The following DDX10 variants were observed in gnomAD, a reference collection of about 807,000 sequenced individuals.
The protein encoded by DDX10 is probable ATP-dependent RNA helicase DDX10.
A neutral mutation model predicts 104.3 loss-of-function variants in DDX10; 74 were observed. That is an observed-to-expected ratio of 0.71 (90% CI 0.59 to 0.86). The LOEUF is 0.86. Ranked by LOEUF, DDX10 falls within the 40% of genes least tolerant of loss-of-function variation. DDX10 has a pLI of 0.00. For missense variants in DDX10, 952 were observed against 1,040.0 expected, an observed-to-expected ratio of 0.92 and a Z score of 1.16; for synonymous variants, 351 against 353.4, an observed-to-expected ratio of 0.99 and a Z score of 0.08.
At position 108,910,126 on chromosome 11, in the gene DDX10, T is replaced by C. The variant is rs544479923; in HGVS notation, c.2305-7747T>C. On this transcript the variant is annotated intron_variant, in intron 16 of 17. Transcript: ENST00000322536. Reference sequence around the variant, plus strand: ...GGCCAAGGATAAGGAAAGTGGAGATTACCACATGTAAGGTATCATAGGAAA... The same window carrying C: ...GGCCAAGGATAAGGAAAGTGGAGATCACCACATGTAAGGTATCATAGGAAA... 9.0e-4 allele frequency among the ~76,000 whole-genome samples: 135 copies of C among 150,682 alleles called. 1 individual carries two copies. Among genetic ancestry groups the C allele is most frequent in the African/African-American group, 3.2e-3 (132 of 41,140 alleles).
At chr11:108,750,425 T>C (rs1171166056) in intron 13 of DDX10, among the ~76,000 whole-genome samples, 1 of 152,168 alleles carries the variant, frequency 6.6e-6, no homozygotes, top group African/African-American at 2.4e-5. Flanking sequence ...TCTAACTAGT[T>C]ATTAGGTTAT....
chr11:108,912,710 A>G (rs543780812), intron 16 of DDX10, among the ~76,000 whole-genome samples: 83 of 152,334 alleles, frequency 5.4e-4, no homozygotes, highest in African/African-American at 1.8e-3. Flanking sequence ...TTTGCCCACA[A>G]GGATATTCCT....
intron 13 of DDX10, among the ~76,000 whole-genome samples, chr11:108,795,292 T>G (rs1397243560): frequency 2.0e-5 from 3 of 151,724 alleles, no homozygotes; most frequent in African/African-American, 7.3e-5. Context: ...TTTTTTTTTT[T>G]TTATGGGAGG....
intron 15 of DDX10, among the ~76,000 whole-genome samples, chr11:108,843,217 C>T (rs1245701448): frequency 6.6e-6 from 1 of 151,878 alleles, no homozygotes. Context: ...TATAACTGCA[C>T]CTGTGAATAG....
chr11:108,737,759 AGACTCAGT>A (rs2094320139), intron 13 of DDX10, among the ~76,000 whole-genome samples: 1 of 152,166 alleles, frequency 6.6e-6, no homozygotes, highest in South Asian at 2.1e-4. Context: ...TTTCATTGCT[AGACTCAGT>A]GAATCAATTT....
chr11:108,913,542 G>A lies in DDX10; in HGVS notation c.2305-4331G>A, dbSNP rs372972683. The stretch of plus-strand genomic sequence containing the variant: ...CAAGGAATATCCTTGTGGGCAAATT[G>A]CGAGGGAGGTATGTAGCTTTTGTAG... On this transcript the variant is annotated intron_variant, in intron 16 of 17. Transcript: ENST00000322536. 3.9e-5 allele frequency among the ~76,000 whole-genome samples: 6 copies of A among 152,234 alleles called. No individual in the cohort carries two copies. The East Asian group carries it at 1.2e-3, about 29-fold the overall frequency.
At chr11:108,866,585 C>A (rs1863010361) in intron 16 of DDX10, among the ~76,000 whole-genome samples, 1 of 152,030 alleles carries the variant, frequency 6.6e-6, no homozygotes, top group South Asian at 2.1e-4. Context: ...CAAAGATCAC[C>A]CTAAGGTTTC....
intron 13 of DDX10, among the ~76,000 whole-genome samples, chr11:108,761,378 C>T (rs1222245753): frequency 6.6e-6 from 1 of 152,018 alleles, no homozygotes; most frequent in Non-Finnish European, 1.5e-5. Context: ...TTTTGTGTGG[C>T]CTATGAGTTC....
chr11:108,795,836 A>G (rs1484512321), intron 13 of DDX10, among the ~76,000 whole-genome samples: 2 of 152,210 alleles, frequency 1.3e-5, no homozygotes, highest in African/African-American at 2.4e-5. Flanking sequence ...AGCATGATTT[A>G]TAATCCTTTG....
intron 16 of DDX10, among the ~76,000 whole-genome samples, chr11:108,910,781 G>GTC (rs1430576243): frequency 1.5e-4 from 20 of 130,708 alleles, no homozygotes; most frequent in East Asian, 4.6e-4. Context: ...GTGTGTGTGT[G>GTC]TGTGTGTGTC....
At chr11:108,783,529 TG>T (rs1861742027) in intron 13 of DDX10, among the ~76,000 whole-genome samples, 1 of 152,136 alleles carries the variant, frequency 6.6e-6, no homozygotes, top group Non-Finnish European at 1.5e-5. Context: ...ATGTACAAAC[TG>T]GGAGATATGA....
rs1340358401 is a variant in DDX10, at chr11:108,841,325, A to C, written c.2096A>C (p.Gln699Pro). 6.2e-7 allele frequency: 1 copy of C among 1,612,440 alleles called. No homozygotes were observed. Among genetic ancestry groups the C allele is most frequent in the South Asian group, 1.1e-5 (1 of 90,952 alleles). ...TTTTTTTACCTGTAGTTGGTTCAGC[A>C]GTGGCCACAAATGCAGAAATCTGCC... ...TFTDEGELVQQWPQMQKSAIK... is the reference protein window; with the variant it reads ...TFTDEGELVQPWPQMQKSAIK... Residue 699 changes from glutamine (Q) to proline (P), a missense_variant, in exon 15 of 18, where the codon CAG becomes CCG. Gln to Pro is a moderately conservative substitution (Grantham distance 76). Around this residue, in one of 3 missense-constraint regions of DDX10, gnomAD observed 533 missense variants for 534.1 expected, o/e 1.00. Transcript: ENST00000322536.
chr11:108,666,277 A>G (rs1655213551), intron 1 of DDX10, among the ~76,000 whole-genome samples: 2 of 152,222 alleles, frequency 1.3e-5, no homozygotes, highest in South Asian at 4.1e-4. Context: ...CAGGAGTTCG[A>G]GACCAGCCTG....
At chr11:108,734,138 A>G (rs527809383) in intron 13 of DDX10, among the ~76,000 whole-genome samples, 4 of 151,978 alleles carry the variant, frequency 2.6e-5, no homozygotes, top group Non-Finnish European at 5.9e-5. Context: ...ATGTAGCCAC[A>G]TGTCTCTTAA....
intron 16 of DDX10, among the ~76,000 whole-genome samples, chr11:108,895,007 C>G (rs1863422299): frequency 6.6e-6 from 1 of 151,818 alleles, no homozygotes; most frequent in Non-Finnish European, 1.5e-5. Flanking sequence ...TAGATCATAA[C>G]TACTTTGGAC....
Position 108,900,332 on chromosome 11 carries a change from C to G in DDX10, c.2305-17541C>G, listed in dbSNP as rs911522936. Among the ~76,000 whole-genome samples, 6 of 152,156 alleles carry G rather than the reference C, an allele frequency of 3.9e-5. No individual in the cohort carries two copies. The South Asian group carries it at 1.0e-3, about 26-fold the overall frequency. On this transcript the variant is annotated intron_variant, in intron 16 of 17. Transcript: ENST00000322536. ...TTCTTTATAGCAATACAAGAATGGT[C>G]TAATACACCTGGCTAAAATAATGGC...
chr11:108,813,446 T>C (rs1276246450), intron 13 of DDX10, among the ~76,000 whole-genome samples: 2 of 152,218 alleles, frequency 1.3e-5, no homozygotes, highest in East Asian at 1.9e-4. Flanking sequence ...CTCTTTTTAT[T>C]CACTCTCTCT....
intron 10 of DDX10, among the ~76,000 whole-genome samples, chr11:108,713,495 G>A (rs551677437): frequency 2.6e-5 from 4 of 151,982 alleles, no homozygotes; most frequent in African/African-American, 7.2e-5. Flanking sequence ...TTGTTCTCTC[G>A]CATTTCTTTT....
At chr11:108,712,688 G>T (rs1046964131) in intron 10 of DDX10, among the ~76,000 whole-genome samples, 1 of 151,746 alleles carries the variant, frequency 6.6e-6, no homozygotes, top group Non-Finnish European at 1.5e-5. Context: ...AATTAAACAC[G>T]CTGGGGCTAT....
Sources: gnomAD v4.1 joint callset for allele counts (sites outside exome capture counted in the v4.1 genomes callset) on GRCh38, gnomAD v4.1.1 for gene constraint, gnomAD v4.1.1 regional missense constraint, MANE v1.5 for transcripts, NCBI Gene and HGNC (gene_info 2026-07-23, HGNC 2026-07-21) for gene names.